TRPS1: variants seen among roughly 807,000 people sequenced by gnomAD.
TRPS1 encodes zinc finger transcription factor Trps1.
Under a neutral mutation model 101.2 loss-of-function variants are expected in TRPS1, and 6 were observed. The observed-to-expected ratio is 0.06, with a 90% confidence interval of 0.03 to 0.12. The LOEUF is 0.12. Ranked by LOEUF, TRPS1 falls within the 10% of genes least tolerant of loss-of-function variation. The pLI is 1.00. For synonymous variants in TRPS1, 578 were observed against 589.8 expected (o/e 0.98, Z 0.29); for missense variants, 1,363 against 1,567.0 (o/e 0.87, Z 2.20).
chr8:115,619,533 C>T lies in TRPS1; in HGVS notation c.565G>A (p.Gly189Ser), dbSNP rs780885595. 1.1e-5 allele frequency: 17 copies of T among 1,614,042 alleles called. No individual in the cohort carries two copies. The highest frequency in any genetic ancestry group is 6.7e-5 in the African/African-American group (5 of 74,920). The change falls in exon 3 of 7, where the codon GGT becomes AGT. Residue 189 changes from glycine (G) to serine (S), a missense_variant. By Grantham distance (56) the Gly-to-Ser change is moderately conservative. Transcript: ENST00000395715. The part of the protein sequence containing the change: ...QAQSGQANCQ[G>S]LSPVSVASKN... ...GAGGCCACTGAAACTGGGCTCAAAC[C>T]TTGACAATTGGCTTGACCACTCTGT... is the stretch of plus-strand genomic sequence containing the variant.
At chr8:115,577,136 TAAAG>T (rs1817336748) in intron 5 of TRPS1, among the ~76,000 whole-genome samples, 1 of 152,124 alleles carries the variant, frequency 6.6e-6, no homozygotes, top group African/African-American at 2.4e-5. Context: ...TGTTAACAAG[TAAAG>T]TTTTTTTCCA....
chr8:115,532,723 T>C (rs555641828), intron 5 of TRPS1, among the ~76,000 whole-genome samples: 1 of 152,184 alleles, frequency 6.6e-6, no homozygotes, highest in South Asian at 2.1e-4. Flanking sequence ...ACACAAAAAG[T>C]CCTCAAAATC....
rs10570037 is a variant in TRPS1 at position 115,442,550 on chromosome 8, CGTGT to C, written c.2701-24102_2701-24099del. The stretch of plus-strand genomic sequence containing the variant: ...GGGTAGCAAGCATCCAAGTATGGTG[CGTGT>C]GTGTGTGTGTGTGTGTGTGTGTGTG... On this transcript the variant is annotated intron_variant, in intron 5 of 6. Transcript: ENST00000395715. Among the ~76,000 whole-genome samples, 992 of 145,070 alleles carry C rather than the reference CGTGT, an allele frequency of 6.8e-3. 10 individuals carry two copies. Among genetic ancestry groups the C allele is most frequent in the African/African-American group, 0.018 (695 of 39,598 alleles).
At chr8:115,518,801 A>G (rs1334417397) in intron 5 of TRPS1, among the ~76,000 whole-genome samples, 4 of 151,868 alleles carry the variant, frequency 2.6e-5, no homozygotes. Flanking sequence ...GCCTTTTGCC[A>G]GCGTCAAACT....
intron 5 of TRPS1, among the ~76,000 whole-genome samples, chr8:115,535,355 CATAGCACATATATATAGCATATAT>C (rs1563583359): frequency 1.0e-5 from 1 of 97,476 alleles, no homozygotes; most frequent in Non-Finnish European, 1.9e-5. Flanking sequence ...ATAGCATATA[CATAGCACATATATATAGCATATAT>C]ATAGCACATA....
chr8:115,624,391 G>T (rs1818461017), intron 1 of TRPS1, among the ~76,000 whole-genome samples: 1 of 151,924 alleles, frequency 6.6e-6, no homozygotes, highest in South Asian at 2.1e-4. Context: ...CTATTTAATT[G>T]TGAGATTAAA....
chr8:115,451,727 T>TG (rs1366732533), intron 5 of TRPS1, among the ~76,000 whole-genome samples: 1 of 152,186 alleles, frequency 6.6e-6, no homozygotes, highest in Non-Finnish European at 1.5e-5. Context: ...ATCAGCCTGG[T>TG]GGGGTATCGT....
At chr8:115,606,904 A>C (rs1818051008) in intron 3 of TRPS1, among the ~76,000 whole-genome samples, 1 of 152,208 alleles carries the variant, frequency 6.6e-6, no homozygotes, top group South Asian at 2.1e-4. Context: ...CAAAAGGGAT[A>C]AATTCAGATG....
At chr8:115,632,854 A>G (rs995719696) in intron 1 of TRPS1, among the ~76,000 whole-genome samples, 1 of 152,156 alleles carries the variant, frequency 6.6e-6, no homozygotes, top group South Asian at 2.1e-4. Context: ...GGAGGAGCAC[A>G]AAGGGCTTCT....
At position 115,437,585 on chromosome 8, in the gene TRPS1, G is replaced by A. The variant is rs529828326; in HGVS notation, c.2701-19133C>T. On this transcript the variant is annotated intron_variant, in intron 5 of 6. Coordinates refer to ENST00000395715, the MANE Select transcript of TRPS1 (RefSeq NM_014112.5). ...AATAATTGTTCCCATTGGCACATAC[G>A]TCAAAAAATAAATAATTGACAAAAG... is the stretch of plus-strand genomic sequence containing the variant. 2.0e-5 allele frequency among the ~76,000 whole-genome samples: 3 copies of A among 152,180 alleles called. No individual in the cohort carries two copies. In the East Asian group the frequency reaches 5.8e-4, roughly 29 times the overall value.
intron 5 of TRPS1, among the ~76,000 whole-genome samples, chr8:115,529,944 T>C (rs1372500795): frequency 6.6e-6 from 1 of 152,078 alleles, no homozygotes; most frequent in East Asian, 1.9e-4. Flanking sequence ...CTTTACAAAA[T>C]TAAAATGGCA....
intron 5 of TRPS1, among the ~76,000 whole-genome samples, chr8:115,456,783 G>A (rs2129952488): frequency 6.6e-6 from 1 of 151,800 alleles, no homozygotes; most frequent in South Asian, 2.1e-4. Context: ...TTCTTTTTTT[G>A]ATATGATAAA....
In TRPS1 at chr8:115,619,577, G is replaced by T. The variant is rs377527917; in HGVS notation, c.521C>A (p.Thr174Lys). 2 of 1,614,116 alleles carry T rather than the reference G, an allele frequency of 1.2e-6. No homozygotes were observed. Among genetic ancestry groups the T allele is most frequent in the Admixed American group, 3.3e-5 (2 of 60,020 alleles). The stretch of plus-strand genomic sequence containing the variant: ...ACTCTGTGCTTGCCCTGTTTCCTCT[G>T]TAGCCTTTGGTGACATCTTCTGATC... ...KEDQKMSPKA[T>K]EETGQAQSGQ... The change falls in exon 3 of 7, where the codon ACA becomes AAA. Residue 174 changes from threonine to lysine, a missense_variant. Thr to Lys is a moderately conservative substitution (Grantham distance 78). This residue lies in a region of TRPS1 where 1,020 missense variants were observed against 1,073.0 expected (regional missense o/e 0.95). Coordinates refer to ENST00000395715, the MANE Select transcript of TRPS1 (RefSeq NM_014112.5).
At chr8:115,492,327 A>G (rs949856474) in intron 5 of TRPS1, 1 of 449,260 alleles carries the variant, frequency 2.2e-6, no homozygotes, top group Non-Finnish European at 4.5e-6. Context: ...TTAATTAGAG[A>G]GGCAGATAAT....
intron 5 of TRPS1, among the ~76,000 whole-genome samples, chr8:115,425,925 C>T (rs941687379): frequency 6.6e-5 from 10 of 152,314 alleles, no homozygotes; most frequent in South Asian, 6.2e-4. Context: ...GTTCTAACCA[C>T]GCTGTTTCTG....
chr8:115,507,475 C>G (rs542164854), intron 5 of TRPS1, among the ~76,000 whole-genome samples: 1 of 152,006 alleles, frequency 6.6e-6, no homozygotes, highest in Admixed American at 6.6e-5. Context: ...ATGGGCTGAT[C>G]TCATTTTCAC....
At chr8:115,424,571 T>C (rs1205817931) in intron 5 of TRPS1, among the ~76,000 whole-genome samples, 2 of 152,190 alleles carry the variant, frequency 1.3e-5, no homozygotes, top group Non-Finnish European at 2.9e-5. Flanking sequence ...TTCATGAACA[T>C]TGACAGCTGA....
At chr8:115,580,366 C>G (rs1462053942) in intron 5 of TRPS1, among the ~76,000 whole-genome samples, 1 of 151,768 alleles carries the variant, frequency 6.6e-6, no homozygotes, top group African/African-American at 2.4e-5. Flanking sequence ...ATTAATGTGC[C>G]TGTAAAATGG....
At chr8:115,419,076 C>T (rs2068025) in intron 5 of TRPS1, among the ~76,000 whole-genome samples, 37,688 of 151,980 alleles carry the variant, frequency 0.25, 5,168 homozygotes, top group Middle Eastern at 0.36. Context: ...AATGAGAACC[C>T]TTATGAGGTG....
Sources: allele counts gnomAD v4.1 joint callset (sites outside exome capture counted in the v4.1 genomes callset), GRCh38; gene constraint gnomAD v4.1.1; regional missense constraint gnomAD v4.1.1; transcripts MANE v1.5; gene names NCBI Gene and HGNC (gene_info 2026-07-23, HGNC 2026-07-21).